Variants in TOP1MT observed in about 807,000 individuals in gnomAD.
The protein encoded by TOP1MT is DNA topoisomerase I mitochondrial.
Under a neutral mutation model 73.9 loss-of-function variants are expected in TOP1MT, and 80 were observed. The observed-to-expected ratio is 1.08, with a 90% CI of 0.90 to 1.30. The LOEUF (loss-of-function observed/expected upper bound fraction) is 1.30, where lower values mean the gene tolerates loss of function less well. Among genes scored for constraint, TOP1MT ranks in the 50% most tolerant of loss-of-function variants. The pLI is 0.00. For missense variants in TOP1MT, 815 were observed against 808.0 expected, an observed-to-expected ratio of 1.01 and a Z score of -0.10; for synonymous variants, 338 against 326.4, an observed-to-expected ratio of 1.04 and a Z score of -0.38.
At chr8:143,352,354 G>A (rs1817333061) in intron 1 of TOP1MT, among the ~76,000 whole-genome samples, 2 of 152,182 alleles carry the variant, frequency 1.3e-5, no homozygotes, top group Admixed American at 1.3e-4. Flanking sequence ...AGAGACCGGT[G>A]GGTTCACTCA....
At chr8:143,324,808 T>C (rs1421642626) in intron 5 of TOP1MT, among the ~76,000 whole-genome samples, 179 bp from the exon 6 acceptor site, 1 of 152,136 alleles carries the variant, frequency 6.6e-6, no homozygotes, top group African/African-American at 2.4e-5. Context: ...CCACTCAATC[T>C]ACCCTCTGCA....
intron 12 of TOP1MT, 102 bp downstream of exon 12, chr8:143,315,625 C>G (rs1013658746): frequency 5.4e-5 from 39 of 719,734 alleles, no homozygotes; most frequent in Middle Eastern, 5.0e-4. Context: ...CGTCTCCGCA[C>G]AAGGAGACAA....
chr8:143,343,520 A>G, intron 1 of TOP1MT: 1 of 328,862 alleles, frequency 3.0e-6, no homozygotes, highest in Non-Finnish European at 6.0e-6. Context: ...GCCCGAGGCC[A>G]GAAGCTGCGA....
intron 3 of TOP1MT, 48 bp from the exon 4 acceptor site, chr8:143,326,392 A>G: frequency 1.2e-6 from 2 of 1,609,120 alleles, no homozygotes; most frequent in Non-Finnish European, 1.7e-6. Flanking sequence ...AAGGACAGAC[A>G]TGCAGAGCGC....
intron 7 of TOP1MT, among the ~76,000 whole-genome samples, chr8:143,323,352 G>A (rs1408295542): frequency 2.2e-5 from 2 of 89,896 alleles, no homozygotes; most frequent in African/African-American, 4.6e-5. Context: ...ACACATGCAC[G>A]CCACACCCAC....
intron 5 of TOP1MT, among the ~76,000 whole-genome samples, chr8:143,325,141 C>T (rs141662554): frequency 5.9e-5 from 9 of 152,336 alleles, no homozygotes; most frequent in East Asian, 1.9e-4. Flanking sequence ...CATAGCAAGG[C>T]GAGGACTTCC....
chr8:143,314,067 A>G (rs1816086093), intron 12 of TOP1MT, among the ~76,000 whole-genome samples: 1 of 152,064 alleles, frequency 6.6e-6, no homozygotes, highest in South Asian at 2.1e-4. Flanking sequence ...ACTGGGCTCT[A>G]ATCGACACAT....
upstream of TOP1MT, among the ~76,000 whole-genome samples, chr8:143,336,067 A>G (rs1022171734): frequency 5.9e-5 from 9 of 152,252 alleles, no homozygotes; most frequent in African/African-American, 1.9e-4. Flanking sequence ...AACCCTTTCT[A>G]CAAACCAGAA....
chr8:143,334,775 CG>C lies in TOP1MT; in HGVS notation c.86del (p.Pro29ArgfsTer23). 6.3e-7 allele frequency: 1 copy of C among 1,593,534 alleles called. No individual in the cohort carries two copies. Among genetic ancestry groups the C allele is most frequent in the Non-Finnish European group, 8.5e-7 (1 of 1,172,068 alleles). ...VPRRPASRGV[P>X]GSRRTQKGSG... is the part of the protein sequence containing the mutation. Reference sequence around the variant, plus strand: ...TGCCCTTCTGCGTCCTGCGCGAGCCCGGGACACCCCGGGAGGCCGGGCGGCG... The same window carrying C: ...TGCCCTTCTGCGTCCTGCGCGAGCCCGGACACCCCGGGAGGCCGGGCGGCG... On this transcript the variant is annotated frameshift_variant, in exon 1 of 14. Coordinates refer to ENST00000329245, the MANE Select transcript of TOP1MT (RefSeq NM_052963.3). LOFTEE classifies it high-confidence loss of function.
At chr8:143,309,607 G>T in intron 13 of TOP1MT, 64 bp from the exon 14 acceptor site, 1 of 1,604,028 alleles carries the variant, frequency 6.2e-7, no homozygotes. Context: ...CCAGGTCAGG[G>T]TGCTCGGCAA....
At chr8:143,316,303 G>A (rs2129932007) in intron 10 of TOP1MT, among the ~76,000 whole-genome samples, 177 bp from the exon 11 acceptor site, 1 of 152,344 alleles carries the variant, frequency 6.6e-6, no homozygotes, top group East Asian at 1.9e-4. Context: ...CTCGAGAGCA[G>A]GGCCCAGCGT....
upstream of TOP1MT, among the ~76,000 whole-genome samples, chr8:143,339,222 T>C (rs1817032680): frequency 6.6e-6 from 1 of 152,162 alleles, no homozygotes; most frequent in African/African-American, 2.4e-5. Context: ...ACCTTAACAA[T>C]ATACTTAATT....
Position 143,323,635 on chromosome 8 carries a change from G to A in TOP1MT, c.960+364C>T, listed in dbSNP as rs1445658731. Among the ~76,000 whole-genome samples, 27 of 30,100 alleles carry A rather than the reference G, an allele frequency of 9.0e-4. 1 individual carries two copies. The highest frequency in any genetic ancestry group is 2.3e-3 in the African/African-American group (27 of 11,990). The allele number at this position is 30,100 out of a possible 152,430, so 19.7% of individuals were successfully genotyped here. On this transcript the variant is annotated intron_variant, in intron 7 of 13. Transcript: ENST00000329245. ...ACACACAGGCACGCCACACACGCAC[G>A]CCACACGCACGCCACACACATGCTC...
At chr8:143,314,551 G>T (rs1040949272) in intron 12 of TOP1MT, among the ~76,000 whole-genome samples, 3 of 143,230 alleles carry the variant, frequency 2.1e-5, no homozygotes, top group Non-Finnish European at 4.5e-5. Context: ...CTGAGACCGC[G>T]CCAGCGCACT....
chr8:143,346,973 A>C (rs563414804), upstream of TOP1MT, among the ~76,000 whole-genome samples: 1 of 149,930 alleles, frequency 6.7e-6, no homozygotes, highest in Non-Finnish European at 1.5e-5. Context: ...TTATTTATTT[A>C]TTTATTTATT....
upstream of TOP1MT, among the ~76,000 whole-genome samples, chr8:143,338,375 C>T (rs541085486): frequency 1.3e-5 from 2 of 152,074 alleles, no homozygotes; most frequent in African/African-American, 4.8e-5. Flanking sequence ...CAGGACCAGC[C>T]TGACCAACAT....
upstream of TOP1MT, among the ~76,000 whole-genome samples, chr8:143,336,190 T>TG (rs971724041): frequency 4.6e-5 from 7 of 152,356 alleles, no homozygotes; most frequent in African/African-American, 7.2e-5. Flanking sequence ...TTTGTAGAGA[T>TG]GGGGTCTCCC....
intron 10 of TOP1MT, among the ~76,000 whole-genome samples, chr8:143,316,354 C>T (rs1282779620): frequency 1.3e-5 from 2 of 151,608 alleles, no homozygotes; most frequent in Non-Finnish European, 2.9e-5. Flanking sequence ...GGCCACAGCA[C>T]AGGTAGCACC....
intron 3 of TOP1MT, 67 bp downstream of exon 3, chr8:143,329,283 C>T: frequency 6.7e-7 from 1 of 1,503,350 alleles, no homozygotes; most frequent in Non-Finnish European, 8.8e-7. Flanking sequence ...AGAGGCAGCA[C>T]TGCAGAACCG....
Sources: gnomAD v4.1 joint callset for allele counts (sites outside exome capture counted in the v4.1 genomes callset) on GRCh38, gnomAD v4.1.1 for gene constraint, MANE v1.5 for transcripts, NCBI Gene and HGNC (gene_info 2026-07-23, HGNC 2026-07-21) for gene names.